WDR41: variants seen among roughly 807,000 people sequenced by gnomAD.
The protein encoded by WDR41 is WD repeat-containing protein 41.
Under a neutral mutation model 69.3 loss-of-function variants are expected in WDR41, and 63 were observed. That is an observed-to-expected ratio of 0.91 (90% CI 0.74 to 1.12). WDR41 has a LOEUF of 1.12. Among genes scored for constraint, WDR41 ranks in the 50% most tolerant of loss-of-function variants. The pLI is 0.00. For synonymous variants in WDR41, 185 were observed against 192.1 expected (o/e 0.96, Z 0.31); for missense variants, 543 against 534.5 (o/e 1.02, Z -0.16).
chr5:77,480,866 AAT>A (rs1491084086), intron 2 of WDR41, among the ~76,000 whole-genome samples: 1 of 151,760 alleles, frequency 6.6e-6, no homozygotes, highest in African/African-American at 2.4e-5. Flanking sequence ...ATACCAAAAA[AAT>A]CTGTGTGACT....
At chr5:77,600,034 T>C (rs1744295109) in intron 1 of WDR41, among the ~76,000 whole-genome samples, 2 of 152,216 alleles carry the variant, frequency 1.3e-5, no homozygotes, top group Non-Finnish European at 2.9e-5. Context: ...TCCTTCCTCA[T>C]GCCTCCAGAT....
chr5:77,566,450 T>C (rs1172635741), intron 1 of WDR41, among the ~76,000 whole-genome samples: 1 of 152,106 alleles, frequency 6.6e-6, no homozygotes, highest in African/African-American at 2.4e-5. Flanking sequence ...ACCTAAACCA[T>C]TCTAGGACAA....
At chr5:77,555,875 T>C (rs929688011) in intron 1 of WDR41, among the ~76,000 whole-genome samples, 11 of 152,008 alleles carry the variant, frequency 7.2e-5, no homozygotes, top group Non-Finnish European at 1.5e-4. Flanking sequence ...GATTCTAAAA[T>C]TCATATGGAA....
intron 1 of WDR41, chr5:77,546,064 CA>C (rs1291754133): frequency 3.6e-6 from 2 of 548,788 alleles, no homozygotes; most frequent in Non-Finnish European, 6.1e-6. Flanking sequence ...ACACCTCAGC[CA>C]GGGGCTGCAC....
intron 1 of WDR41, among the ~76,000 whole-genome samples, chr5:77,559,094 G>A (rs565823230): frequency 4.6e-5 from 7 of 152,270 alleles, no homozygotes; most frequent in Non-Finnish European, 1.0e-4. Flanking sequence ...TGCTCTGTGT[G>A]TATTAAAGAC....
intron 1 of WDR41, among the ~76,000 whole-genome samples, chr5:77,548,986 T>A (rs2125860): frequency 0.49 from 73,812 of 151,956 alleles, 18,151 homozygotes; most frequent in Middle Eastern, 0.62. Context: ...ATTTGCAGTG[T>A]TCTGGATGAG....
chr5:77,533,894 T>A (rs977179214), intron 1 of WDR41, among the ~76,000 whole-genome samples: 2 of 152,106 alleles, frequency 1.3e-5, no homozygotes, highest in African/African-American at 2.4e-5. Context: ...AGAGCTGGTC[T>A]CCCCAGCACT....
intron 1 of WDR41, among the ~76,000 whole-genome samples, chr5:77,598,888 G>A (rs571810959): frequency 6.9e-4 from 105 of 152,100 alleles, no homozygotes; most frequent in South Asian, 1.9e-3. Context: ...CCAAAGTCAA[G>A]GAAGCCATAA....
chr5:77,545,217 G>C (rs11749183), intron 1 of WDR41, among the ~76,000 whole-genome samples: 42,871 of 151,772 alleles, frequency 0.28, 6,353 homozygotes, highest in Non-Finnish European at 0.32. Context: ...CAAAAAGTCT[G>C]AAAGAGCACA....
chr5:77,483,672 TATTCTA>T (rs147770780), intron 2 of WDR41, among the ~76,000 whole-genome samples: 2,759 of 152,286 alleles, frequency 0.018, 34 homozygotes, highest in Middle Eastern at 0.061. Context: ...AAAATTACAA[TATTCTA>T]ATTCTATCAT....
intron 1 of WDR41, among the ~76,000 whole-genome samples, chr5:77,574,003 A>G (rs1743779630): frequency 6.6e-6 from 1 of 152,134 alleles, no homozygotes; most frequent in Admixed American, 6.5e-5. Context: ...GTTCCCTTTC[A>G]ATTAAAATTC....
At chr5:77,526,314 T>C (rs1178681256) in intron 1 of WDR41, among the ~76,000 whole-genome samples, 1 of 151,990 alleles carries the variant, frequency 6.6e-6, no homozygotes, top group Non-Finnish European at 1.5e-5. Flanking sequence ...ATAAGGACTT[T>C]TTTTTTTTAC....
chr5:77,523,768 T>C (rs1432981993), intron 1 of WDR41, among the ~76,000 whole-genome samples: 4 of 152,178 alleles, frequency 2.6e-5, no homozygotes, highest in African/African-American at 9.7e-5. Flanking sequence ...AGAATAAATA[T>C]CAAATTGAGA....
chr5:77,474,979 C>A (rs1800836829), intron 2 of WDR41, among the ~76,000 whole-genome samples: 1 of 152,224 alleles, frequency 6.6e-6, no homozygotes, highest in African/African-American at 2.4e-5. Context: ...CGAGCCGAAG[C>A]AGGGCGACGC....
At chr5:77,613,642 A>T (rs1402136926) in intron 1 of WDR41, among the ~76,000 whole-genome samples, 1 of 152,222 alleles carries the variant, frequency 6.6e-6, no homozygotes, top group African/African-American at 2.4e-5. Flanking sequence ...ACAAAAATTA[A>T]TTCAAGATGG....
chr5:77,490,368 G>A (rs1389026177), intron 1 of WDR41, among the ~76,000 whole-genome samples: 2 of 152,024 alleles, frequency 1.3e-5, no homozygotes, highest in East Asian at 3.8e-4. Flanking sequence ...CCTCTGCAAG[G>A]CATGACAATC....
intron 1 of WDR41, among the ~76,000 whole-genome samples, chr5:77,559,703 G>A (rs559071130): frequency 6.6e-6 from 1 of 151,820 alleles, no homozygotes; most frequent in East Asian, 1.9e-4. Context: ...GTGTGTGTGT[G>A]TATTCCTACA....
chr5:77,537,723 G>T (rs1317908657), intron 1 of WDR41, among the ~76,000 whole-genome samples: 1 of 152,058 alleles, frequency 6.6e-6, no homozygotes, highest in Non-Finnish European at 1.5e-5. Flanking sequence ...GGGAGGGTCG[G>T]TCTCTCCAGC....
intron 1 of WDR41, among the ~76,000 whole-genome samples, chr5:77,587,487 A>G (rs1349523230): frequency 6.6e-6 from 1 of 152,112 alleles, no homozygotes; most frequent in Non-Finnish European, 1.5e-5. Context: ...TCCCATCTCC[A>G]CTTACTCATC....
Sources: gnomAD v4.1 joint callset for allele counts (sites outside exome capture counted in the v4.1 genomes callset) on GRCh38, gnomAD v4.1.1 for gene constraint, MANE v1.5 for transcripts, NCBI Gene and HGNC (gene_info 2026-07-23, HGNC 2026-07-21) for gene names.